RCL1: variants seen among roughly 807,000 people sequenced by gnomAD.
The protein encoded by RCL1 is RNA terminal phosphate cyclase like 1.
RCL1 carries 24 observed loss-of-function variants against 42.4 expected under a neutral mutation model. That is an observed-to-expected ratio of 0.57 (90% CI 0.41 to 0.80). The LOEUF is 0.80. Ranked by LOEUF, RCL1 falls within the 30% of genes least tolerant of loss-of-function variation. The pLI is 0.00. For synonymous variants in RCL1, 228 were observed against 177.3 expected (o/e 1.29, Z -2.27); for missense variants, 578 against 467.9 (o/e 1.24, Z -2.17).
intron 1 of RCL1, 122 bp downstream of exon 1, chr9:4,793,349 G>A (rs918191906): frequency 8.3e-5 from 98 of 1,175,426 alleles, no homozygotes; most frequent in Non-Finnish European, 1.1e-4. Flanking sequence ...CGTCGGGGAG[G>A]GCAGGTGGCG....
intron 1 of RCL1, among the ~76,000 whole-genome samples, chr9:4,800,565 A>G (rs1248532736): frequency 6.6e-6 from 1 of 151,560 alleles, no homozygotes; most frequent in Non-Finnish European, 1.5e-5. Context: ...TCTGGAATAA[A>G]TGCCCAGGAG....
At position 4,837,991 on chromosome 9, in the gene RCL1, G is replaced by A. The variant is rs572855377; in HGVS notation, c.585-3241G>A. On this transcript the variant is annotated intron_variant, in intron 5 of 8. Coordinates refer to ENST00000381750, the MANE Select transcript of RCL1 (RefSeq NM_005772.5). ...ATTTCAGCCACTGCTCTGCAGAGCTGCCCATTTCACAAACACCTCAAAGGA... is the reference window on the plus strand; with the variant it reads ...ATTTCAGCCACTGCTCTGCAGAGCTACCCATTTCACAAACACCTCAAAGGA... Among the ~76,000 whole-genome samples, 39 of 152,336 alleles carry A rather than the reference G, an allele frequency of 2.6e-4. No individual in the cohort carries two copies. The East Asian group carries it at 7.3e-3, about 29-fold the overall frequency.
chr9:4,806,286 TG>T (rs1214293593), intron 1 of RCL1, among the ~76,000 whole-genome samples: 1 of 152,074 alleles, frequency 6.6e-6, no homozygotes, highest in Non-Finnish European at 1.5e-5. Flanking sequence ...GTAAAATGGG[TG>T]GGAGGGAACA....
chr9:4,834,068 T>C, intron 4 of RCL1, 73 bp from the exon 5 acceptor site: 3 of 1,539,148 alleles, frequency 1.9e-6, no homozygotes, highest in Non-Finnish European at 2.6e-6. Context: ...GGTGTAAACC[T>C]TCCTGGGCAG....
Position 4,841,430 on chromosome 9 carries a change from C to G in RCL1, c.710+73C>G, listed in dbSNP as rs1215078712. 8.8e-6 allele frequency: 11 copies of G among 1,252,998 alleles called. No homozygotes were observed. In the South Asian group the frequency reaches 1.3e-4, roughly 15 times the overall value. The allele number at this position is 1,252,998 out of a possible 1,614,324, so 77.6% of individuals were successfully genotyped here. On this transcript the variant is annotated intron_variant, in intron 6 of 8. Transcript: ENST00000381750. The stretch of plus-strand genomic sequence containing the variant: ...CCTGTTCTAGTTGAAGTTAAAACTG[C>G]CAGCTCTGAGGTTGCGCAGCCAGAG...
intron 1 of RCL1, among the ~76,000 whole-genome samples, chr9:4,797,492 G>A (rs1401664250): frequency 6.6e-6 from 1 of 152,158 alleles, no homozygotes; most frequent in Non-Finnish European, 1.5e-5. Flanking sequence ...TTCAGTGGGG[G>A]ACATTTGGGA....
chr9:4,804,341 C>T (rs1057063402), intron 1 of RCL1: 5 of 152,426 alleles, frequency 3.3e-5, no homozygotes, highest in East Asian at 1.9e-4. Context: ...ATGGGCCAGA[C>T]GTTGGAGGCC....
At position 4,803,291 on chromosome 9, in the gene RCL1, C is replaced by G. The variant is rs1843037158; in HGVS notation, c.136+10064C>G. ...TTGTTTAGTGCTTTTAGAACCAAGACTAACCAAGCACCATTATTTAGGATA... is the reference window on the plus strand; with the variant it reads ...TTGTTTAGTGCTTTTAGAACCAAGAGTAACCAAGCACCATTATTTAGGATA... On this transcript the variant is annotated intron_variant, in intron 1 of 8. Coordinates refer to ENST00000381750, the MANE Select transcript of RCL1 (RefSeq NM_005772.5). Among the ~76,000 whole-genome samples, 3 of 152,196 alleles carry G rather than the reference C, an allele frequency of 2.0e-5. No individual in the cohort carries two copies. The South Asian group carries it at 6.2e-4, about 31-fold the overall frequency.
intron 1 of RCL1, among the ~76,000 whole-genome samples, chr9:4,808,619 G>A (rs553886035): frequency 1.3e-5 from 2 of 152,244 alleles, no homozygotes; most frequent in South Asian, 4.1e-4. Context: ...TTTTTAGGGT[G>A]AAAGAAATGC....
intron 1 of RCL1, among the ~76,000 whole-genome samples, chr9:4,822,148 A>G (rs1205511160): frequency 6.6e-6 from 1 of 152,238 alleles, no homozygotes; most frequent in Non-Finnish European, 1.5e-5. Flanking sequence ...AGAATCCATT[A>G]TGACAAGAGT....
rs1205976534 is a variant in RCL1, at chr9:4,840,086, AC to A, written c.585-1144del. On this transcript the variant is annotated intron_variant, in intron 5 of 8. Coordinates refer to ENST00000381750, the MANE Select transcript of RCL1 (RefSeq NM_005772.5). ...GACCAGGAGCCACCGAGAGACTGTC[AC>A]CAGCATGAGGAAGATTGGTCTTTTA... 9.2e-5 allele frequency among the ~76,000 whole-genome samples: 14 copies of A among 152,218 alleles called. No homozygotes were observed. In the South Asian group the frequency reaches 2.5e-3, roughly 27 times the overall value.
intron 1 of RCL1, among the ~76,000 whole-genome samples, chr9:4,802,705 A>G (rs1843025266): frequency 6.6e-6 from 1 of 152,240 alleles, no homozygotes; most frequent in South Asian, 2.1e-4. Flanking sequence ...AAGGCAGGTA[A>G]CTACATAGAA....
intron 1 of RCL1, among the ~76,000 whole-genome samples, chr9:4,814,095 C>T (rs1222006110): frequency 6.6e-6 from 1 of 151,930 alleles, no homozygotes; most frequent in Non-Finnish European, 1.5e-5. Flanking sequence ...CACACTTATA[C>T]ATATATAACC....
At chr9:4,794,876 C>T (rs1181202145) in intron 1 of RCL1, among the ~76,000 whole-genome samples, 2 of 152,138 alleles carry the variant, frequency 1.3e-5, no homozygotes, top group Admixed American at 1.3e-4. Context: ...TTGGCACTTT[C>T]TTGAAAGGGT....
At chr9:4,793,433 C>CG (rs1842864479) in intron 1 of RCL1, among the ~76,000 whole-genome samples, 1 of 152,204 alleles carries the variant, frequency 6.6e-6, no homozygotes, top group Non-Finnish European at 1.5e-5. Context: ...CGCTCAGCTG[C>CG]AAGCTGCGCT....
chr9:4,814,089 C>G (rs949467105), intron 1 of RCL1, among the ~76,000 whole-genome samples: 1 of 151,910 alleles, frequency 6.6e-6, no homozygotes, highest in South Asian at 2.1e-4. Context: ...GCATGGCACA[C>G]TTATACATAT....
intron 6 of RCL1, among the ~76,000 whole-genome samples, chr9:4,843,968 C>T (rs1817422796): frequency 6.6e-6 from 1 of 152,192 alleles, no homozygotes; most frequent in Non-Finnish European, 1.5e-5. Flanking sequence ...CACTGCACCC[C>T]CTTTCCTTGG....
intron 8 of RCL1, chr9:4,850,406 C>G (rs142269012): frequency 2.0e-6 from 1 of 506,160 alleles, no homozygotes; most frequent in East Asian, 5.6e-5. Context: ...TTGAGGACTG[C>G]GGTGGGGCTA....
chr9:4,834,783 G>A (rs1205648255), intron 5 of RCL1, among the ~76,000 whole-genome samples: 2 of 152,172 alleles, frequency 1.3e-5, no homozygotes, highest in Non-Finnish European at 2.9e-5. Context: ...ATCTACTTCA[G>A]TAGTCACTTT....
Sources: gnomAD v4.1 joint callset for allele counts (sites outside exome capture counted in the v4.1 genomes callset) on GRCh38, gnomAD v4.1.1 for gene constraint, MANE v1.5 for transcripts, NCBI Gene and HGNC (gene_info 2026-07-23, HGNC 2026-07-21) for gene names.